RHOA: variants seen among roughly 807,000 people sequenced by gnomAD.
The protein encoded by RHOA is ras homolog family member A.
RHOA carries 3 observed loss-of-function variants against 17.5 expected under a neutral mutation model. The ratio of observed to expected loss-of-function variants is 0.17; its 90% CI spans 0.08 to 0.44. RHOA has a LOEUF of 0.44. Among genes scored for constraint, RHOA ranks in the 20% least tolerant of loss-of-function variants. RHOA has a pLI of 0.99. For missense variants in RHOA, 56 were observed against 242.3 expected (o/e 0.23, Z 5.10); for synonymous variants, 98 against 88.4 (o/e 1.11, Z -0.61).
intron 1 of RHOA, among the ~76,000 whole-genome samples, chr3:49,376,453 C>T (rs1284754294): frequency 1.3e-5 from 2 of 150,560 alleles, no homozygotes; most frequent in Non-Finnish European, 3.0e-5. Context: ...ACCATCCTGG[C>T]TAACACGGAG....
rs778928611 is a variant in RHOA, at chr3:49,385,845, TCCC to T, written c.-2-10257_-2-10255del. 8.5e-5 allele frequency among the ~76,000 whole-genome samples: 13 copies of T among 152,226 alleles called. No individual in the cohort carries two copies. The Middle Eastern group carries it at 0.017, about 199-fold the overall frequency. On this transcript the variant is annotated intron_variant, in intron 1 of 4. Transcript: ENST00000418115. ...GCATTATTTACTGAAAAGACTATTTTCCCCCCAACTGGATGGTCCTGGCACACT... is the reference window on the plus strand; with the variant it reads ...GCATTATTTACTGAAAAGACTATTTTCCCAACTGGATGGTCCTGGCACACT...
chr3:49,404,381 T>G, intron 1 of RHOA, among the ~76,000 whole-genome samples: 1 of 135,922 alleles, frequency 7.4e-6, no homozygotes, highest in African/African-American at 2.7e-5. Context: ...GATCACAAGG[T>G]CAGGAGTTCA....
chr3:49,370,957 T>G (rs1575649564), intron 2 of RHOA, among the ~76,000 whole-genome samples: 1 of 152,004 alleles, frequency 6.6e-6, no homozygotes, highest in South Asian at 2.1e-4. Flanking sequence ...ACAAATAACC[T>G]CCACAAGGCC....
chr3:49,379,078 C>T (rs1181745311), intron 1 of RHOA, among the ~76,000 whole-genome samples: 1 of 152,068 alleles, frequency 6.6e-6, no homozygotes, highest in Non-Finnish European at 1.5e-5. Flanking sequence ...CAACTTGTAC[C>T]TCTACATGAA....
At chr3:49,367,603 C>A (rs1249980088) in intron 3 of RHOA, among the ~76,000 whole-genome samples, 1 of 151,706 alleles carries the variant, frequency 6.6e-6, no homozygotes, top group African/African-American at 2.4e-5. Flanking sequence ...CTCACTGCAA[C>A]TTCTGCTTCC....
At chr3:49,404,080 G>C (rs2048771772) in intron 1 of RHOA, among the ~76,000 whole-genome samples, 1 of 105,876 alleles carries the variant, frequency 9.4e-6, no homozygotes, top group African/African-American at 3.1e-5. Context: ...TGGGAGGACT[G>C]TTTGAGCCCA....
chr3:49,403,063 C>T (rs1370732368), intron 1 of RHOA, among the ~76,000 whole-genome samples: 2 of 151,494 alleles, frequency 1.3e-5, no homozygotes, highest in African/African-American at 4.8e-5. Flanking sequence ...AGAAACCCGC[C>T]GAGCGCGGTG....
At position 49,404,433 on chromosome 3, in the gene RHOA, A is replaced by AACACACACAC. The variant is rs374020319; in HGVS notation, c.-3+7377_-3+7386dup. 7.7e-3 allele frequency among the ~76,000 whole-genome samples: 698 copies of AACACACACAC among 90,750 alleles called. 21 individuals carry two copies. The highest frequency in any genetic ancestry group is 0.011 in the African/African-American group (266 of 24,508). 59.5% of individuals were successfully genotyped at this position (90,750 alleles called of 152,430 possible). On this transcript the variant is annotated intron_variant, in intron 1 of 4. Coordinates refer to ENST00000418115, the MANE Select transcript of RHOA (RefSeq NM_001664.4). ...CAAAGTAAAACCCCGTCTCTAGTAAAACACACACACACACACACACACACA... is the reference window on the plus strand; with the variant it reads ...CAAAGTAAAACCCCGTCTCTAGTAAAACACACACACACACACACACACACACACACACACA...
At chr3:49,370,171 C>T (rs1019728488) in intron 2 of RHOA, among the ~76,000 whole-genome samples, 3 of 152,070 alleles carry the variant, frequency 2.0e-5, no homozygotes, top group African/African-American at 4.8e-5. Context: ...TGCTTGAGCC[C>T]GGGAGGCGGA....
At chr3:49,381,479 G>A (rs1427359627) in intron 1 of RHOA, among the ~76,000 whole-genome samples, 1 of 151,592 alleles carries the variant, frequency 6.6e-6, no homozygotes, top group Non-Finnish European at 1.5e-5. Context: ...GGATGCTGAG[G>A]CATGAGAATC....
chr3:49,404,313 A>AAAAAG (rs10686310), intron 1 of RHOA, among the ~76,000 whole-genome samples: 2 of 149,430 alleles, frequency 1.3e-5, no homozygotes, highest in Admixed American at 6.7e-5. Context: ...TCCAAAAAAA[A>AAAAAG]GCCAGGCGCA....
At chr3:49,402,151 G>T (rs765416282) in intron 1 of RHOA, among the ~76,000 whole-genome samples, 1 of 152,154 alleles carries the variant, frequency 6.6e-6, no homozygotes, top group Non-Finnish European at 1.5e-5. Context: ...ATAAGAGCAT[G>T]AAATCATTTA....
At chr3:49,366,784 T>C (rs2048063499) in intron 3 of RHOA, 1 of 152,120 alleles carries the variant, frequency 6.6e-6, no homozygotes, top group Non-Finnish European at 1.5e-5. Flanking sequence ...GTTATCATCA[T>C]TAAGGTAGGG....
At chr3:49,401,634 A>G (rs1004843353) in intron 1 of RHOA, among the ~76,000 whole-genome samples, 1 of 152,230 alleles carries the variant, frequency 6.6e-6, no homozygotes, top group East Asian at 1.9e-4. Flanking sequence ...ACTGCATGGG[A>G]AATTCCTGAT....
At chr3:49,360,768 A>C (rs1055909720) in intron 4 of RHOA, among the ~76,000 whole-genome samples, 1 of 151,968 alleles carries the variant, frequency 6.6e-6, no homozygotes, top group Non-Finnish European at 1.5e-5. Context: ...TAAAAAAAAA[A>C]AAGACTTTCA....
intron 3 of RHOA, among the ~76,000 whole-genome samples, chr3:49,363,140 C>T (rs1377285361): frequency 2.6e-5 from 4 of 152,156 alleles, no homozygotes; most frequent in Non-Finnish European, 4.4e-5. Context: ...GACTTTTGGC[C>T]GGGAGCGGTG....
intron 2 of RHOA, among the ~76,000 whole-genome samples, chr3:49,374,362 G>A (rs777149520): frequency 1.3e-5 from 2 of 152,184 alleles, no homozygotes; most frequent in East Asian, 1.9e-4. Context: ...AGCATACAAA[G>A]AAGTTCATCT....
chr3:49,400,714 G>A (rs1265220957), intron 1 of RHOA, among the ~76,000 whole-genome samples: 1 of 147,936 alleles, frequency 6.8e-6, no homozygotes, highest in Non-Finnish European at 1.5e-5. Context: ...GAGCAAGATT[G>A]TAGCCAAAAA....
In RHOA at chr3:49,410,901, T is replaced by G. The variant is rs1181473207; in HGVS notation, c.-3+919A>C. On this transcript the variant is annotated intron_variant, in intron 1 of 4. Transcript: ENST00000418115. The stretch of plus-strand genomic sequence containing the variant: ...AATCAGAACTATTAAAAAACACAAG[T>G]GGAACCAACTTTGAGGTAAAAAGGA... Among the ~76,000 whole-genome samples, 5 of 152,306 alleles carry G rather than the reference T, an allele frequency of 3.3e-5. No individual in the cohort carries two copies. In the South Asian group the frequency reaches 1.0e-3, roughly 32 times the overall value.
Sources: gnomAD v4.1 joint callset for allele counts (sites outside exome capture counted in the v4.1 genomes callset) on GRCh38, gnomAD v4.1.1 for gene constraint, MANE v1.5 for transcripts, NCBI Gene and HGNC (gene_info 2026-07-23, HGNC 2026-07-21) for gene names.